MYO16: variants seen among roughly 807,000 people sequenced by gnomAD.
MYO16 encodes the protein myosin XVI, also known as unconventional myosin-XVI.
MYO16 carries 94 observed loss-of-function variants against 205.3 expected under a neutral mutation model. The observed-to-expected ratio is 0.46, with a 90% CI of 0.39 to 0.54. The LOEUF (loss-of-function observed/expected upper bound fraction) is 0.54, where lower values mean the gene tolerates loss of function less well. Ranked by LOEUF, MYO16 falls within the 20% of genes least tolerant of loss-of-function variation. MYO16 has a pLI of 0.00. For synonymous variants in MYO16, 988 were observed against 954.0 expected, an observed-to-expected ratio of 1.04 and a Z score of -0.66; for missense variants, 2,315 against 2,387.5, an observed-to-expected ratio of 0.97 and a Z score of 0.63.
At chr13:108,734,409 C>T (rs1234891053) in intron 4 of MYO16, among the ~76,000 whole-genome samples, 2 of 152,072 alleles carry the variant, frequency 1.3e-5, no homozygotes, top group Non-Finnish European at 2.9e-5. Flanking sequence ...CTTGTAAATT[C>T]CCTTGGTTTG....
At chr13:108,869,871 T>C (rs1878961340) in intron 12 of MYO16, among the ~76,000 whole-genome samples, 1 of 151,432 alleles carries the variant, frequency 6.6e-6, no homozygotes, top group Non-Finnish European at 1.5e-5. Context: ...TCTTATTGCC[T>C]GAAACAATAA....
At chr13:108,859,171 A>G (rs1300947748) in intron 11 of MYO16, among the ~76,000 whole-genome samples, 2 of 151,744 alleles carry the variant, frequency 1.3e-5, no homozygotes, top group Non-Finnish European at 2.9e-5. Flanking sequence ...GATTCTCCCT[A>G]CAAACACAGA....
intron 1 of MYO16, among the ~76,000 whole-genome samples, chr13:108,632,540 G>A (rs1045499182): frequency 5.3e-5 from 8 of 152,088 alleles, no homozygotes; most frequent in Admixed American, 2.6e-4. Flanking sequence ...AAAATTATAC[G>A]CTTCAAGGTC....
At chr13:109,133,935 C>T (rs1054384216) in intron 31 of MYO16, among the ~76,000 whole-genome samples, 1 of 152,144 alleles carries the variant, frequency 6.6e-6, no homozygotes, top group African/African-American at 2.4e-5. Context: ...TTCTGACCCC[C>T]AGAGGTTCCA....
chr13:108,988,915 G>T (rs184537546), intron 20 of MYO16, among the ~76,000 whole-genome samples: 33 of 152,232 alleles, frequency 2.2e-4, no homozygotes, highest in Admixed American at 2.2e-3. Flanking sequence ...CCTTATTCCT[G>T]AAGTTGTCCC....
intron 32 of MYO16, among the ~76,000 whole-genome samples, chr13:109,154,396 T>C (rs961836996): frequency 5.3e-5 from 8 of 152,360 alleles, no homozygotes; most frequent in African/African-American, 1.9e-4. Context: ...CGATGACTCA[T>C]GCTCGTTCCG....
intron 7 of MYO16, among the ~76,000 whole-genome samples, chr13:108,813,774 AAT>A (rs1223557340): frequency 1.3e-5 from 2 of 152,120 alleles, no homozygotes; most frequent in African/African-American, 2.4e-5. Flanking sequence ...AAATTCTTTT[AAT>A]AGCAAAGATG....
intron 27 of MYO16, among the ~76,000 whole-genome samples, chr13:109,070,542 G>A (rs1384207221): frequency 1.3e-5 from 2 of 152,132 alleles, no homozygotes; most frequent in African/African-American, 4.8e-5. Context: ...TTAACTATGA[G>A]TAAATGTTTC....
intron 1 of MYO16, among the ~76,000 whole-genome samples, chr13:108,607,703 G>A (rs1241344322): frequency 6.6e-6 from 1 of 152,132 alleles, no homozygotes; most frequent in Non-Finnish European, 1.5e-5. Context: ...GACTCTTAGA[G>A]GGGTAGTGTT....
At chr13:109,068,056 G>T (rs1266855036) in intron 27 of MYO16, among the ~76,000 whole-genome samples, 1 of 152,042 alleles carries the variant, frequency 6.6e-6, no homozygotes, top group Non-Finnish European at 1.5e-5. Context: ...TGAAACGAAG[G>T]TGATTATTCC....
At chr13:109,115,242 C>CAAAAAAAAAAAAA (rs61441934) in intron 28 of MYO16, among the ~76,000 whole-genome samples, 1 of 58,028 alleles carries the variant, frequency 1.7e-5, no homozygotes, top group Non-Finnish European at 2.8e-5. Flanking sequence ...CTACACCTCT[C>CAAAAAAAAAAAAA]AAAAAAAAAA....
intron 27 of MYO16, among the ~76,000 whole-genome samples, chr13:109,092,302 T>C (rs1888648070): frequency 6.6e-6 from 1 of 150,928 alleles, no homozygotes; most frequent in South Asian, 2.1e-4. Flanking sequence ...AAGTAGTCAA[T>C]TAAAATTCAC....
intron 20 of MYO16, among the ~76,000 whole-genome samples, chr13:108,970,150 T>C (rs1265459902): frequency 6.6e-6 from 1 of 152,104 alleles, no homozygotes; most frequent in Admixed American, 6.6e-5. Context: ...AATGTGTCTG[T>C]TTTATGGTGG....
chr13:108,496,929 G>A, the MYO16 span, among the ~76,000 whole-genome samples: 1 of 152,238 alleles, frequency 6.6e-6, no homozygotes, highest in African/African-American at 2.4e-5. Context: ...CAGAAGCACA[G>A]GGGAAGCCCG....
At chr13:108,667,711 A>T (rs1328157287) in intron 2 of MYO16, among the ~76,000 whole-genome samples, 1 of 152,212 alleles carries the variant, frequency 6.6e-6, no homozygotes, top group African/African-American at 2.4e-5. Context: ...AGCAGATCTT[A>T]AAATTTAAGC....
At chr13:108,578,912 A>G in the MYO16 span, among the ~76,000 whole-genome samples, 1 of 149,096 alleles carries the variant, frequency 6.7e-6, no homozygotes, top group African/African-American at 2.4e-5. Context: ...TTTATGTATT[A>G]TTACATATAT....
the MYO16 span, among the ~76,000 whole-genome samples, chr13:108,579,899 A>C: frequency 6.6e-6 from 1 of 152,194 alleles, no homozygotes; most frequent in Non-Finnish European, 1.5e-5. Flanking sequence ...CTGCTATTAC[A>C]ATGACTGCTA....
intron 12 of MYO16, among the ~76,000 whole-genome samples, chr13:108,873,911 A>T (rs1879198965): frequency 6.6e-6 from 1 of 152,260 alleles, no homozygotes; most frequent in Non-Finnish European, 1.5e-5. Flanking sequence ...GAAAATAGAA[A>T]GCCAGATGTT....
At chr13:109,108,053 T>C (rs1263585933) in intron 28 of MYO16, among the ~76,000 whole-genome samples, 3 of 152,176 alleles carry the variant, frequency 2.0e-5, no homozygotes, top group Non-Finnish European at 4.4e-5. Context: ...ATTTGGTGCG[T>C]ATTCATTCAC....
Sources: gnomAD v4.1 joint callset for allele counts (sites outside exome capture counted in the v4.1 genomes callset) on GRCh38, gnomAD v4.1.1 for gene constraint, MANE v1.5 for transcripts, NCBI Gene and HGNC (gene_info 2026-07-23, HGNC 2026-07-21) for gene names.